The following ESR1 variants were observed in gnomAD, a reference collection of about 807,000 sequenced individuals.
ESR1 encodes estrogen receptor.
In ESR1, 12 loss-of-function variants were observed where a neutral mutation model predicts 52.7. The observed-to-expected ratio is 0.23, with a 90% CI of 0.15 to 0.37. ESR1 has a LOEUF of 0.37. Ranked by LOEUF, ESR1 falls within the 10% of genes least tolerant of loss-of-function variation. The pLI is 1.00. For missense variants in ESR1, 584 were observed against 779.7 expected (o/e 0.75, Z 2.99); for synonymous variants, 305 against 316.8 (o/e 0.96, Z 0.39).
intron 2 of ESR1, among the ~76,000 whole-genome samples, chr6:151,781,821 T>G (rs934597315): frequency 1.3e-5 from 2 of 152,246 alleles, no homozygotes; most frequent in Admixed American, 1.3e-4. Context: ...AAAAACTACT[T>G]TCAGCATAGG....
intron 2 of ESR1, among the ~76,000 whole-genome samples, chr6:151,762,012 G>A (rs888911561): frequency 2.0e-5 from 3 of 152,168 alleles, no homozygotes; most frequent in Non-Finnish European, 2.9e-5. Context: ...TATCTTGAGT[G>A]CACATCAGAA....
chr6:151,953,548 C>G (rs963897250), intron 4 of ESR1, among the ~76,000 whole-genome samples: 1 of 152,068 alleles, frequency 6.6e-6, no homozygotes, highest in Non-Finnish European at 1.5e-5. Flanking sequence ...TGGTGAAACC[C>G]TGTCTCTACT....
At chr6:151,896,375 C>T (rs1409464563) in intron 3 of ESR1, among the ~76,000 whole-genome samples, 1 of 152,062 alleles carries the variant, frequency 6.6e-6, no homozygotes, top group Admixed American at 6.5e-5. Context: ...TTGTTATTGG[C>T]CTGTTCAGGA....
chr6:151,788,957 T>A (rs1356926239), intron 2 of ESR1, among the ~76,000 whole-genome samples: 1 of 151,668 alleles, frequency 6.6e-6, no homozygotes, highest in African/African-American at 2.4e-5. Context: ...TATCAGAGGG[T>A]GGAGGGTGGA....
intron 6 of ESR1, among the ~76,000 whole-genome samples, chr6:152,115,111 C>G (rs1391544328): frequency 1.3e-5 from 2 of 152,162 alleles, no homozygotes; most frequent in East Asian, 3.9e-4. Flanking sequence ...CATGTCTCTC[C>G]AAACTTTCAC....
chr6:152,109,788 C>T (rs997222505), intron 6 of ESR1, among the ~76,000 whole-genome samples: 2 of 152,214 alleles, frequency 1.3e-5, no homozygotes, highest in Non-Finnish European at 2.9e-5. Context: ...GACAGAGATA[C>T]ACTTTCTAAC....
intron 1 of ESR1, among the ~76,000 whole-genome samples, chr6:151,681,151 TCCC>T (rs1321915497): frequency 6.6e-6 from 1 of 152,128 alleles, no homozygotes; most frequent in African/African-American, 2.4e-5. Context: ...ACCTCTCTGG[TCCC>T]CAGCTCGTCT....
At chr6:151,788,723 C>T (rs1465015116) in intron 2 of ESR1, among the ~76,000 whole-genome samples, 1 of 152,136 alleles carries the variant, frequency 6.6e-6, no homozygotes, top group Non-Finnish European at 1.5e-5. Context: ...TGATGGTAGA[C>T]TGGATAAAGA....
rs891255317 is a variant in ESR1, at chr6:152,102,137, G to A, written c.*3171G>A. The A allele has an allele frequency of 1.4e-5, 3 of 210,482 alleles. No homozygotes were observed. The Admixed American group carries it at 1.8e-4, about 12-fold the overall frequency. 13.0% of individuals were successfully genotyped at this position (210,482 alleles called of 1,614,324 possible). ...TTGATTTGATTTCCCTAGTAACCTTGCAGATATGTTTAACCAAGCCATAGC... is the reference window on the plus strand; with the variant it reads ...TTGATTTGATTTCCCTAGTAACCTTACAGATATGTTTAACCAAGCCATAGC... On this transcript the variant is annotated 3_prime_UTR_variant, in exon 8 of 8. Coordinates refer to ENST00000206249, the MANE Select transcript of ESR1 (RefSeq NM_000125.4).
At chr6:151,884,261 T>C (rs986259669) in intron 3 of ESR1, among the ~76,000 whole-genome samples, 4 of 152,210 alleles carry the variant, frequency 2.6e-5, no homozygotes, top group Admixed American at 2.0e-4. Flanking sequence ...ATACCACACA[T>C]GGCCACAGGA....
At chr6:151,995,711 G>GT (rs2041420539) in intron 4 of ESR1, among the ~76,000 whole-genome samples, 1 of 152,028 alleles carries the variant, frequency 6.6e-6, no homozygotes, top group African/African-American at 2.4e-5. Flanking sequence ...TTAAAGGAAG[G>GT]TGGGTGCCCT....
intron 4 of ESR1, among the ~76,000 whole-genome samples, chr6:151,976,858 CAT>C (rs910903943): frequency 6.6e-6 from 1 of 151,712 alleles, no homozygotes; most frequent in African/African-American, 2.4e-5. Context: ...AATTGCTATA[CAT>C]ATATATGTAT....
intron 2 of ESR1, among the ~76,000 whole-genome samples, chr6:151,711,140 T>A (rs531421429): frequency 2.0e-5 from 3 of 152,250 alleles, no homozygotes; most frequent in Admixed American, 2.0e-4. Flanking sequence ...TCTTCCACAA[T>A]GGTTGAACTA....
intron 3 of ESR1, among the ~76,000 whole-genome samples, chr6:151,901,621 T>C (rs1362028494): frequency 6.6e-6 from 1 of 152,254 alleles, no homozygotes; most frequent in African/African-American, 2.4e-5. Flanking sequence ...TTCCCCTTGC[T>C]TTCTCTACCC....
chr6:152,106,680 C>T (rs139591564), downstream of ESR1, among the ~76,000 whole-genome samples: 338 of 152,278 alleles, frequency 2.2e-3, 1 homozygote, highest in Admixed American at 4.1e-3. Context: ...CCTCCATGTT[C>T]CAGGCTCAAG....
rs573678894 is a variant in ESR1 at position 151,744,312 on chromosome 6, A to G, written c.-71+42307A>G. 8.6e-4 allele frequency among the ~76,000 whole-genome samples: 131 copies of G among 152,270 alleles called. 1 individual carries two copies. Among genetic ancestry groups the G allele is most frequent in the African/African-American group, 3.1e-3 (128 of 41,540 alleles). On this transcript the variant is annotated intron_variant, in intron 2 of 2. Transcript: ENST00000404742. ...TGAGAAATCTTCAAAATGGTTCCCAAAGCAGCTGCACTATTTTATATGCCT... is the reference window on the plus strand; with the variant it reads ...TGAGAAATCTTCAAAATGGTTCCCAGAGCAGCTGCACTATTTTATATGCCT...
chr6:152,103,584 A>G (rs937717147), downstream of ESR1, among the ~76,000 whole-genome samples: 1 of 152,212 alleles, frequency 6.6e-6, no homozygotes, highest in Non-Finnish European at 1.5e-5. Context: ...AATTCACACG[A>G]TGGTGGTGAG....
downstream of ESR1, among the ~76,000 whole-genome samples, chr6:152,106,123 T>C (rs2051064383): frequency 6.6e-6 from 1 of 152,182 alleles, no homozygotes; most frequent in Non-Finnish European, 1.5e-5. Context: ...TCACAGTATA[T>C]TTCAAATTAA....
At chr6:152,064,205 C>A (rs2047782493) in intron 6 of ESR1, among the ~76,000 whole-genome samples, 1 of 152,208 alleles carries the variant, frequency 6.6e-6, no homozygotes, top group Non-Finnish European at 1.5e-5. Flanking sequence ...TGAGAACTAG[C>A]TGGACAGAGC....
Sources: allele counts gnomAD v4.1 joint callset (sites outside exome capture counted in the v4.1 genomes callset), GRCh38; gene constraint gnomAD v4.1.1; transcripts MANE v1.5; gene names NCBI Gene and HGNC (gene_info 2026-07-23, HGNC 2026-07-21).